Variants in TTC27 observed in about 807,000 individuals in gnomAD.
TTC27 encodes the protein tetratricopeptide repeat domain 27.
TTC27 carries 79 observed loss-of-function variants against 115.9 expected under a neutral mutation model. That is an observed-to-expected ratio of 0.68 (90% CI 0.57 to 0.82). The LOEUF is 0.82. TTC27 is among the 40% of genes least tolerant of loss of function. TTC27 has a pLI of 0.00. For synonymous variants in TTC27, 401 were observed against 356.0 expected (o/e 1.13, Z -1.42); for missense variants, 1,054 against 993.1 (o/e 1.06, Z -0.82).
At chr2:32,742,024 T>G (rs1202614790) in intron 12 of TTC27, among the ~76,000 whole-genome samples, 2 of 152,252 alleles carry the variant, frequency 1.3e-5, no homozygotes, top group African/African-American at 2.4e-5. Flanking sequence ...AATGCTATCT[T>G]TTGAGGGCCT....
rs575405812 is a variant in TTC27 at position 32,646,131 on chromosome 2, C to T, written c.538-4000C>T. On this transcript the variant is annotated intron_variant, in intron 4 of 19. Coordinates refer to ENST00000317907, the MANE Select transcript of TTC27 (RefSeq NM_017735.5). The stretch of plus-strand genomic sequence containing the variant: ...GCAACCTCTGCCTCCTGGGTTCACG[C>T]GATTCTCCTGCCTCAGCCTCCCGAG... Among the ~76,000 whole-genome samples the T allele has an allele frequency of 4.0e-4, 61 of 150,890 alleles. 1 individual carries two copies. In the South Asian group the frequency reaches 0.01, roughly 25 times the overall value.
rs1362871470 is a variant in TTC27, at chr2:32,650,126, C to T, written c.538-5C>T. 8 of 1,610,628 alleles carry T rather than the reference C, an allele frequency of 5.0e-6. No homozygotes were observed. The highest frequency in any genetic ancestry group is 6.8e-6 in the Non-Finnish European group (8 of 1,178,236). ...TATTTCAGCTTACGTGGTGTTTTTTCCTAGAGCTTGCCATGGTGGACTTTG... is the reference window on the plus strand; with the variant it reads ...TATTTCAGCTTACGTGGTGTTTTTTTCTAGAGCTTGCCATGGTGGACTTTG... On this transcript the variant is annotated splice_polypyrimidine_tract_variant and splice_region_variant and intron_variant, in intron 4 of 19. Coordinates refer to ENST00000317907, the MANE Select transcript of TTC27 (RefSeq NM_017735.5).
rs1670053962 is a variant in TTC27 at position 32,777,975 on chromosome 2, C to T, written c.1774C>T (p.Pro592Ser). 5.0e-6 allele frequency: 8 copies of T among 1,613,724 alleles called. No individual in the cohort carries two copies. Among genetic ancestry groups the T allele is most frequent in the Non-Finnish European group, 4.2e-6 (5 of 1,179,914 alleles). ...KAFQRCVTLE[P>S]DNAEAWNNLS... Reference sequence around the variant, plus strand: ...ATTTCAGCGCTGTGTGACTCTAGAACCCGATGTAAGTTTGTTTGATCTTCT... The same window carrying T: ...ATTTCAGCGCTGTGTGACTCTAGAATCCGATGTAAGTTTGTTTGATCTTCT... Residue 592 changes from proline to serine, a missense_variant, in exon 14 of 20, where the codon CCC becomes TCC. Pro to Ser is a moderately conservative substitution (Grantham distance 74). Transcript: ENST00000317907.
intron 12 of TTC27, among the ~76,000 whole-genome samples, chr2:32,749,138 T>G (rs1223471754): frequency 1.3e-5 from 2 of 152,256 alleles, no homozygotes; most frequent in African/African-American, 2.4e-5. Flanking sequence ...TTTCTTTGCA[T>G]TTGTTTGCCC....
chr2:32,628,086 T>C lies in TTC27; in HGVS notation c.-207T>C. On this transcript the variant is annotated 5_prime_UTR_variant, in exon 1 of 20. Transcript: ENST00000317907. ...CGGAAGCCAGACCAGAGAGCGTGCG[T>C]GTTTTTCCCAGGGTGCCCCGCGCTG... 3.6e-6 allele frequency: 2 copies of C among 552,412 alleles called. No individual in the cohort carries two copies. The highest frequency in any genetic ancestry group is 3.2e-6 in the Non-Finnish European group (1 of 311,920). 34.2% of individuals were successfully genotyped at this position (552,412 alleles called of 1,614,324 possible). A position where few individuals can be genotyped will look rare whatever the true frequency, so the allele number is the denominator to read the frequency against.
chr2:32,656,391 G>A (rs1188716993), intron 5 of TTC27, among the ~76,000 whole-genome samples: 1 of 152,102 alleles, frequency 6.6e-6, no homozygotes, highest in Non-Finnish European at 1.5e-5. Flanking sequence ...AAGAATGGTG[G>A]GAATTTTTTA....
At chr2:32,695,748 A>AAAAAT (rs1559209920) in intron 9 of TTC27, among the ~76,000 whole-genome samples, 3 of 108,688 alleles carry the variant, frequency 2.8e-5, no homozygotes, top group African/African-American at 3.7e-5. Flanking sequence ...AAAAAAAAAA[A>AAAAAT]AGCTGGGTGT....
intron 8 of TTC27, 131 bp from the exon 9 acceptor site, chr2:32,678,724 GC>G: frequency 1.6e-6 from 1 of 627,492 alleles, no homozygotes. Context: ...ACTGTGCCCG[GC>G]CCCCATAATA....
At chr2:32,809,735 A>G (rs1321998126) in intron 16 of TTC27, among the ~76,000 whole-genome samples, 2 of 152,184 alleles carry the variant, frequency 1.3e-5, no homozygotes, top group Non-Finnish European at 2.9e-5. Flanking sequence ...TTTATAATAT[A>G]ACCTGGTGCA....
At chr2:32,746,615 A>G (rs1668841272) in intron 12 of TTC27, among the ~76,000 whole-genome samples, 1 of 147,682 alleles carries the variant, frequency 6.8e-6, no homozygotes, top group Non-Finnish European at 1.5e-5. Flanking sequence ...ATGGGGAAAT[A>G]GTAACCAATA....
In TTC27 at chr2:32,729,300, T is replaced by C. The variant is rs181624076; in HGVS notation, c.1234-4528T>C. 6.3e-3 allele frequency among the ~76,000 whole-genome samples: 967 copies of C among 152,326 alleles called. 17 individuals carry two copies. Among genetic ancestry groups the C allele is most frequent in the Non-Finnish European group, 5.0e-3 (339 of 68,022 alleles). On this transcript the variant is annotated intron_variant, in intron 10 of 19. Transcript: ENST00000317907. ...ATTGTCCTTTTTTACTAAATCATTC[T>C]CCATGTGCTAATTTTAAAATGTAGT...
At chr2:32,646,028 A>T (rs1198601224) in intron 4 of TTC27, among the ~76,000 whole-genome samples, 1 of 124,260 alleles carries the variant, frequency 8.0e-6, no homozygotes, top group African/African-American at 3.1e-5. Context: ...CTCAATTTTC[A>T]ATTTTAATTT....
At chr2:32,810,049 G>A (rs948416865) in intron 16 of TTC27, among the ~76,000 whole-genome samples, 34 of 150,788 alleles carry the variant, frequency 2.3e-4, no homozygotes, top group African/African-American at 6.9e-4. Flanking sequence ...CCCGGGAGGC[G>A]GAAGTTGTGG....
intron 9 of TTC27, among the ~76,000 whole-genome samples, chr2:32,682,024 G>A (rs944613896): frequency 3.0e-5 from 4 of 131,916 alleles, no homozygotes; most frequent in East Asian, 4.2e-4. Context: ...GTGTGTGTGT[G>A]TGTATGTCTT....
intron 12 of TTC27, among the ~76,000 whole-genome samples, chr2:32,751,258 C>CCACACACACACA (rs56183534): frequency 7.2e-4 from 102 of 140,788 alleles, no homozygotes; most frequent in Non-Finnish European, 1.1e-3. Context: ...GTAGGTTAAA[C>CCACACACACACA]CACACACACA....
At chr2:32,669,120 T>G (rs1342567680) in intron 7 of TTC27, among the ~76,000 whole-genome samples, 1 of 152,064 alleles carries the variant, frequency 6.6e-6, no homozygotes, top group African/African-American at 2.4e-5. Context: ...AAATTTTACC[T>G]GTTTATCTAT....
rs189284041 is a variant in TTC27, at chr2:32,734,915, A to T, written c.1329+992A>T. Among the ~76,000 whole-genome samples the T allele has an allele frequency of 5.9e-5, 9 of 152,318 alleles. No homozygotes were observed. The East Asian group carries it at 1.2e-3, about 20-fold the overall frequency. ...CTCTTATTTTATTGCAACAATTTTT[A>T]AAAATATCTGTTTTACACGTGAGGA... On this transcript the variant is annotated intron_variant, in intron 11 of 19. Transcript: ENST00000317907.
rs192860812 is a variant in TTC27 at position 32,650,700 on chromosome 2, T to C, written c.640+467T>C. Among the ~76,000 whole-genome samples, 355 of 152,154 alleles carry C rather than the reference T, an allele frequency of 2.3e-3. 2 individuals carry two copies. The highest frequency in any genetic ancestry group is 2.3e-3 in the Non-Finnish European group (153 of 67,996). On this transcript the variant is annotated intron_variant, in intron 5 of 19. Coordinates refer to ENST00000317907, the MANE Select transcript of TTC27 (RefSeq NM_017735.5). ...CCTATTGAGTACATCAAGAAAAGCG[T>C]AAGAAAACAGTTGATAGAAAATAAG...
intron 12 of TTC27, among the ~76,000 whole-genome samples, chr2:32,740,890 G>T (rs958777417): frequency 6.6e-6 from 1 of 151,954 alleles, no homozygotes; most frequent in African/African-American, 2.4e-5. Flanking sequence ...CCTGACCTCA[G>T]GTGATCCGCC....
Sources: allele counts gnomAD v4.1 joint callset (sites outside exome capture counted in the v4.1 genomes callset), GRCh38; gene constraint gnomAD v4.1.1; transcripts MANE v1.5; gene names NCBI Gene and HGNC (gene_info 2026-07-23, HGNC 2026-07-21).